WNT3: variants seen among roughly 807,000 people sequenced by gnomAD.
The protein encoded by WNT3 is proto-oncogene Wnt-3.
A neutral mutation model predicts 34.2 loss-of-function variants in WNT3; 7 were observed. That is an observed-to-expected ratio of 0.20 (90% CI 0.12 to 0.38). WNT3 has a LOEUF of 0.38. WNT3 is among the 10% of genes least tolerant of loss of function. The pLI is 1.00. For synonymous variants in WNT3, 212 were observed against 211.5 expected (o/e 1.00, Z -0.02); for missense variants, 267 against 499.8 (o/e 0.53, Z 4.44).
rs114474102 is a variant in WNT3 at position 46,812,658 on chromosome 17, T to A, written c.80+5860A>T. ...GTAAAGAGCTGAAGTGAGATTAGCCTGGCCCAGCACCCTCAACTTAAGAAT... is the reference window on the plus strand; with the variant it reads ...GTAAAGAGCTGAAGTGAGATTAGCCAGGCCCAGCACCCTCAACTTAAGAAT... On this transcript the variant is annotated intron_variant, in intron 1 of 4. Transcript: ENST00000225512. Among the ~76,000 whole-genome samples the A allele has an allele frequency of 5.2e-3, 799 of 152,256 alleles. 5 individuals carry two copies. Among genetic ancestry groups the A allele is most frequent in the African/African-American group, 0.018 (744 of 41,546 alleles).
intron 1 of WNT3, among the ~76,000 whole-genome samples, chr17:46,793,077 C>T (rs1372117992): frequency 5.5e-5 from 8 of 146,720 alleles, no homozygotes; most frequent in Non-Finnish European, 1.0e-4. Context: ...CTAGCCTAGC[C>T]GAGAAAGCAA....
At chr17:46,772,014 G>C (rs1285824393) in intron 2 of WNT3, among the ~76,000 whole-genome samples, 2 of 151,280 alleles carry the variant, frequency 1.3e-5, no homozygotes, top group African/African-American at 2.4e-5. Context: ...CGGGCTGCCC[G>C]ACCCGCTGCG....
rs188750154 is a variant in WNT3 at position 46,810,361 on chromosome 17, C to A, written c.80+8157G>T. On this transcript the variant is annotated intron_variant, in intron 1 of 4. Coordinates refer to ENST00000225512, the MANE Select transcript of WNT3 (RefSeq NM_030753.5). ...TGATAGTTAACTTCTCTGGAAAGAA[C>A]CTGACACTTCCCAAGTGTCCTCAGG... Among the ~76,000 whole-genome samples, 911 of 152,256 alleles carry A rather than the reference C, an allele frequency of 6.0e-3. 7 individuals carry two copies. The highest frequency in any genetic ancestry group is 0.017 in the Middle Eastern group (5 of 294).
Position 46,763,037 on chromosome 17 carries a change from T to C in WNT3, c.*1593A>G, listed in dbSNP as rs1345838453. Reference sequence around the variant, plus strand: ...GCGGAGGGGGTGAGATGTGTATCTTTAGCAGGGCTTGTGGCCAGCAGATTT... The same window carrying C: ...GCGGAGGGGGTGAGATGTGTATCTTCAGCAGGGCTTGTGGCCAGCAGATTT... On this transcript the variant is annotated 3_prime_UTR_variant, in exon 5 of 5. Transcript: ENST00000225512. The C allele has an allele frequency of 1.3e-5, 2 of 152,172 alleles. No homozygotes were observed. The highest frequency in any genetic ancestry group is 2.9e-5 in the Non-Finnish European group (2 of 68,036). The allele number at this position is 152,172 out of a possible 1,614,324, so 9.4% of individuals were successfully genotyped here. A position where few individuals can be genotyped will look rare whatever the true frequency, so the allele number is the denominator to read the frequency against.
intron 1 of WNT3, among the ~76,000 whole-genome samples, chr17:46,780,938 G>C (rs1177294555): frequency 6.6e-6 from 1 of 152,038 alleles, no homozygotes; most frequent in Non-Finnish European, 1.5e-5. Context: ...ACCCTATTCA[G>C]CCAGAAAAAG....
At chr17:46,786,359 C>G (rs1040317474) in intron 1 of WNT3, among the ~76,000 whole-genome samples, 3 of 152,232 alleles carry the variant, frequency 2.0e-5, no homozygotes, top group African/African-American at 7.2e-5. Context: ...CACAGTCCCC[C>G]ACTTGGCACC....
At chr17:46,767,188 G>A (rs1172574899) in intron 4 of WNT3, among the ~76,000 whole-genome samples, 1 of 152,152 alleles carries the variant, frequency 6.6e-6, no homozygotes, top group African/African-American at 2.4e-5. Flanking sequence ...CCCAGGGCCA[G>A]TGCATAGCGC....
chr17:46,768,680 G>C lies in WNT3; in HGVS notation c.708C>G (p.Asp236Glu). The C allele has an allele frequency of 6.2e-7, 1 of 1,614,154 alleles. No individual in the cohort carries two copies. Among genetic ancestry groups the C allele is most frequent in the South Asian group, 1.1e-5 (1 of 91,086 alleles). The change falls in exon 4 of 5, where the codon GAC (aspartate) becomes GAG (glutamate). Residue 236 changes from aspartate (D) to glutamate (E), a missense_variant. Transcript: ENST00000225512. This position sits in a 1 kb window ranked among gnomAD's most constrained non-coding sequence, Gnocchi z 5.0. ...CCATCTCCGAGGCGCTGTCATACTT[G>C]TCCTTGAGGAAGTCACCGATGGCAC... ...DFRAIGDFLK[D>E]KYDSASEMVV...
intron 2 of WNT3, 122 bp downstream of exon 2, chr17:46,773,546 A>G (rs2059391122): frequency 8.5e-7 from 1 of 1,171,612 alleles, no homozygotes; most frequent in African/African-American, 1.6e-5. Flanking sequence ...AACCAAATTT[A>G]TCACCCTCCC....
At chr17:46,803,676 C>T (rs544555716) in intron 1 of WNT3, among the ~76,000 whole-genome samples, 1 of 152,242 alleles carries the variant, frequency 6.6e-6, no homozygotes, top group Non-Finnish European at 1.5e-5. Context: ...GCAGCCTGCC[C>T]ATCCCTTCTG....
intron 1 of WNT3, among the ~76,000 whole-genome samples, chr17:46,809,653 C>G (rs2084245462): frequency 6.6e-6 from 1 of 152,228 alleles, no homozygotes; most frequent in African/African-American, 2.4e-5. Flanking sequence ...CTCACCTCCA[C>G]CTACATCTTC....
intron 1 of WNT3, among the ~76,000 whole-genome samples, chr17:46,810,049 C>G (rs559756428): frequency 6.7e-6 from 1 of 149,278 alleles, no homozygotes; most frequent in Non-Finnish European, 1.5e-5. Context: ...TCTTGTTGCC[C>G]AGGCTGGAAG....
At chr17:46,776,567 G>T (rs556816344) in intron 1 of WNT3, among the ~76,000 whole-genome samples, 1 of 152,136 alleles carries the variant, frequency 6.6e-6, no homozygotes, top group African/African-American at 2.4e-5. Flanking sequence ...AGAGGTCCCC[G>T]TTGAGCCTCC....
chr17:46,788,073 T>A (rs2074404), intron 1 of WNT3, among the ~76,000 whole-genome samples: 1 of 151,368 alleles, frequency 6.6e-6, no homozygotes, highest in Admixed American at 6.6e-5. Flanking sequence ...AAGGAATAGG[T>A]GTGCTGAGGG....
At chr17:46,784,981 G>T (rs199502) in intron 1 of WNT3, among the ~76,000 whole-genome samples, 1 of 151,896 alleles carries the variant, frequency 6.6e-6, no homozygotes, top group Non-Finnish European at 1.5e-5. Flanking sequence ...GTTTCACTGT[G>T]TTAGCCAGGA....
At chr17:46,774,779 A>C (rs1466984517) in intron 1 of WNT3, among the ~76,000 whole-genome samples, 1 of 152,238 alleles carries the variant, frequency 6.6e-6, no homozygotes, top group Non-Finnish European at 1.5e-5. Flanking sequence ...TAGAAAACCA[A>C]GGTAGGAATT....
intron 1 of WNT3, among the ~76,000 whole-genome samples, chr17:46,814,298 TAACTC>T (rs998266019): frequency 2.0e-5 from 3 of 152,258 alleles, no homozygotes. Context: ...TCTAAGGACA[TAACTC>T]AGCTCAGGCT....
At position 46,818,618 on chromosome 17, in the gene WNT3, A is replaced by G; in HGVS notation, c.-21T>C. ...TCCATTAGAAGAGGCGCCGAGGAGGAAGTTTGCCCGCGACCATGAAGAGGG... is the reference window on the plus strand; with the variant it reads ...TCCATTAGAAGAGGCGCCGAGGAGGGAGTTTGCCCGCGACCATGAAGAGGG... On this transcript the variant is annotated 5_prime_UTR_variant, in exon 1 of 5. Coordinates refer to ENST00000225512, the MANE Select transcript of WNT3 (RefSeq NM_030753.5). 2 of 1,580,498 alleles carry G rather than the reference A, an allele frequency of 1.3e-6. No individual in the cohort carries two copies. Among genetic ancestry groups the G allele is most frequent in the Non-Finnish European group, 1.7e-6 (2 of 1,162,854 alleles).
rs35839619 is a variant in WNT3, at chr17:46,763,851, A to C, written c.*779T>G. Reference sequence around the variant, plus strand: ...ACCACCAAAAAAAAAAAAAAACAAAAAAACAAAAAAAAAACTGCATTGACG... The same window carrying C: ...ACCACCAAAAAAAAAAAAAAACAAACAAACAAAAAAAAAACTGCATTGACG... On this transcript the variant is annotated 3_prime_UTR_variant, in exon 5 of 5. Transcript: ENST00000225512. 20,557 of 150,040 alleles carry C rather than the reference A, an allele frequency of 0.14. 2,789 individuals are homozygous for C. The highest frequency in any genetic ancestry group is 0.6 in the East Asian group (3,077 of 5,102). The allele number at this position is 150,040 out of a possible 1,614,324, so 9.3% of individuals were successfully genotyped here. A position where few individuals can be genotyped will look rare whatever the true frequency, so the allele number is the denominator to read the frequency against.
Sources: gnomAD v4.1 joint callset for allele counts (sites outside exome capture counted in the v4.1 genomes callset) on GRCh38, gnomAD v4.1.1 for gene constraint, Gnocchi (gnomAD v3.1) non-coding constraint, MANE v1.5 for transcripts, NCBI Gene and HGNC (gene_info 2026-07-23, HGNC 2026-07-21) for gene names.